Variants in AKAP19 observed in about 807,000 individuals in gnomAD.
AKAP19 encodes small A-kinase anchoring protein.
At chr2:189,972,051 T>C in the AKAP19 span, among the ~76,000 whole-genome samples, 1,633 of 152,344 alleles carry the variant, frequency 0.011, 25 homozygotes, top group African/African-American at 0.037. Context: ...CATGAAGTCC[T>C]TGCCCATTCC....
the AKAP19 span, chr2:190,180,948 G>GCCTCAGCTGCCGCCCGC: frequency 1.0e-6 from 1 of 985,242 alleles, no homozygotes; most frequent in African/African-American, 1.7e-5. This position sits in a 1 kb window ranked among gnomAD's most constrained non-coding sequence, Gnocchi z 6.8. Context: ...CCCCCGCCCG[G>GCCTCAGCTGCCGCCCGC]CCTCAGCTGC....
chr2:190,062,133 GT>G, the AKAP19 span: 319,221 of 1,437,204 alleles, frequency 0.22, 46,531 homozygotes, highest in African/African-American at 0.72. Flanking sequence ...CCAACAGCTT[GT>G]TTAAAAGAGC....
the AKAP19 span, among the ~76,000 whole-genome samples, chr2:190,064,788 T>C: frequency 1.3e-5 from 2 of 152,174 alleles, no homozygotes; most frequent in Non-Finnish European, 2.9e-5. Flanking sequence ...GTGAGGCAAG[T>C]AAAATTTTCT....
the AKAP19 span, among the ~76,000 whole-genome samples, chr2:190,143,319 A>G: frequency 6.7e-6 from 1 of 149,422 alleles, no homozygotes; most frequent in Non-Finnish European, 1.5e-5. Flanking sequence ...TGAACTTTAT[A>G]GTTCCCTAAA....
the AKAP19 span, among the ~76,000 whole-genome samples, chr2:190,090,674 A>T: frequency 6.6e-6 from 1 of 152,162 alleles, no homozygotes; most frequent in African/African-American, 2.4e-5. Context: ...TTGCCTGATC[A>T]TGTGTGAAAG....
the AKAP19 span, among the ~76,000 whole-genome samples, chr2:190,093,753 T>A: frequency 6.6e-6 from 1 of 152,212 alleles, no homozygotes; most frequent in African/African-American, 2.4e-5. Context: ...GAAGGTGAAA[T>A]TTGCCCGTGT....
the AKAP19 span, among the ~76,000 whole-genome samples, chr2:190,187,751 G>C: frequency 6.6e-6 from 1 of 152,140 alleles, no homozygotes; most frequent in African/African-American, 2.4e-5. Context: ...GTACTCAGGA[G>C]GCTGAAGCCA....
chr2:190,111,696 G>C, the AKAP19 span, among the ~76,000 whole-genome samples: 1 of 152,014 alleles, frequency 6.6e-6, no homozygotes, highest in Non-Finnish European at 1.5e-5. Context: ...GAAAGAGAGA[G>C]ATGTCAAGAG....
chr2:190,069,171 T>TGAGAGA, the AKAP19 span, among the ~76,000 whole-genome samples: 199 of 129,252 alleles, frequency 1.5e-3, 1 homozygote, highest in African/African-American at 6.4e-3. Context: ...TGTGTGTGTG[T>TGAGAGA]GTGTGAGAGA....
At chr2:190,182,281 G>A in the AKAP19 span, among the ~76,000 whole-genome samples, 6 of 152,140 alleles carry the variant, frequency 3.9e-5, no homozygotes, top group African/African-American at 1.2e-4. Context: ...GGCCAATAGC[G>A]CTCCAACTGT....
At chr2:190,075,068 T>G in the AKAP19 span, among the ~76,000 whole-genome samples, 1 of 152,306 alleles carries the variant, frequency 6.6e-6, no homozygotes, top group Non-Finnish European at 1.5e-5. Flanking sequence ...GATAAAAAAT[T>G]TAAATTCCAA....
the AKAP19 span, among the ~76,000 whole-genome samples, chr2:189,986,349 C>G: frequency 7.1e-6 from 1 of 140,472 alleles, no homozygotes; most frequent in East Asian, 2.1e-4. Flanking sequence ...ACAAATGCAG[C>G]CTGTAAGGGA....
chr2:190,069,171 TGTGTGAGAGA>T, the AKAP19 span, among the ~76,000 whole-genome samples: 11 of 129,278 alleles, frequency 8.5e-5, no homozygotes, highest in Admixed American at 4.7e-4. Flanking sequence ...TGTGTGTGTG[TGTGTGAGAGA>T]GAGAGAGAGA....
At chr2:190,175,598 A>G in the AKAP19 span, among the ~76,000 whole-genome samples, 11 of 152,180 alleles carry the variant, frequency 7.2e-5, no homozygotes, top group Admixed American at 1.3e-4. Context: ...ATTCTGTGAG[A>G]AAAACTAAAG....
chr2:190,059,283 T>C, the AKAP19 span, among the ~76,000 whole-genome samples: 1 of 151,960 alleles, frequency 6.6e-6, no homozygotes, highest in Non-Finnish European at 1.5e-5. Flanking sequence ...AAATTTGTAC[T>C]AGGAATTAAA....
chr2:190,024,909 A>G, the AKAP19 span, among the ~76,000 whole-genome samples: 14 of 152,316 alleles, frequency 9.2e-5, no homozygotes, highest in South Asian at 1.0e-3. Flanking sequence ...ATCTGTATTC[A>G]CTGCTTATTC....
At chr2:189,929,800 T>A in the AKAP19 span, among the ~76,000 whole-genome samples, 1 of 152,298 alleles carries the variant, frequency 6.6e-6, no homozygotes, top group African/African-American at 2.4e-5. Context: ...AAACTACTTT[T>A]TTTGTGTGTG....
chr2:190,166,428 A>G, the AKAP19 span, among the ~76,000 whole-genome samples: 1 of 142,486 alleles, frequency 7.0e-6, no homozygotes, highest in Non-Finnish European at 1.5e-5. Context: ...AGTGCTTTCC[A>G]ACTCATTTTA....
At chr2:190,121,007 G>T in the AKAP19 span, among the ~76,000 whole-genome samples, 1 of 152,012 alleles carries the variant, frequency 6.6e-6, no homozygotes, top group Non-Finnish European at 1.5e-5. Flanking sequence ...TAGGAATTTG[G>T]GGGAGTTCGT....
Sources: gnomAD v4.1 joint callset for allele counts (sites outside exome capture counted in the v4.1 genomes callset) on GRCh38, gnomAD v4.1.1 for gene constraint, Gnocchi (gnomAD v3.1) non-coding constraint, MANE v1.5 for transcripts, NCBI Gene and HGNC (gene_info 2026-07-23, HGNC 2026-07-21) for gene names.